Variants in CHN1 observed in about 807,000 individuals in gnomAD.
CHN1 encodes the protein chimerin 1, also known as N-chimaerin.
In CHN1, 37 loss-of-function variants were observed where a neutral mutation model predicts 59.5. The observed-to-expected ratio is 0.62, with a 90% confidence interval of 0.48 to 0.82. CHN1 has a LOEUF of 0.82. CHN1 is among the 40% of genes least tolerant of loss of function. The pLI is 0.00. For synonymous variants in CHN1, 206 were observed against 200.4 expected, an observed-to-expected ratio of 1.03 and a Z score of -0.24; for missense variants, 469 against 571.0, an observed-to-expected ratio of 0.82 and a Z score of 1.82.
At chr2:174,994,742 C>T (rs1288324127) in intron 1 of CHN1, among the ~76,000 whole-genome samples, 4 of 152,072 alleles carry the variant, frequency 2.6e-5, no homozygotes, top group African/African-American at 7.2e-5. Context: ...GCCAAAGGCT[C>T]ATTAAGTAAA....
intron 1 of CHN1, among the ~76,000 whole-genome samples, chr2:174,973,244 TA>T: frequency 6.6e-6 from 1 of 152,214 alleles, no homozygotes; most frequent in Non-Finnish European, 1.5e-5. Context: ...CAACATATGA[TA>T]TGCAGAACTA....
chr2:174,806,202 T>C (rs1684880380), intron 11 of CHN1, among the ~76,000 whole-genome samples: 1 of 152,100 alleles, frequency 6.6e-6, no homozygotes, highest in Admixed American at 6.6e-5. Context: ...TCCAGGGGCT[T>C]TGGAAGAACT....
chr2:174,914,798 T>C (rs1413464204), intron 5 of CHN1, among the ~76,000 whole-genome samples: 4 of 143,050 alleles, frequency 2.8e-5, no homozygotes, highest in Non-Finnish European at 4.5e-5. Flanking sequence ...TGAGCCGAGA[T>C]CGTGCCACTG....
chr2:174,986,362 A>G (rs944211588), intron 1 of CHN1, among the ~76,000 whole-genome samples: 1 of 152,242 alleles, frequency 6.6e-6, no homozygotes, highest in Non-Finnish European at 1.5e-5. Flanking sequence ...ATATAGTGGA[A>G]CTAATGAATA....
intron 5 of CHN1, among the ~76,000 whole-genome samples, chr2:174,882,549 G>A (rs1687769497): frequency 6.6e-6 from 1 of 152,096 alleles, no homozygotes; most frequent in African/African-American, 2.4e-5. Context: ...CTAATTTGAG[G>A]CCAAAGTGAT....
At chr2:174,973,221 A>G (rs1241452382) in intron 1 of CHN1, among the ~76,000 whole-genome samples, 3 of 152,196 alleles carry the variant, frequency 2.0e-5, no homozygotes, top group African/African-American at 7.2e-5. Context: ...CCTTCCTACT[A>G]TAACCCATGC....
At chr2:174,817,436 T>C (rs887850148) in intron 8 of CHN1, among the ~76,000 whole-genome samples, 2 of 151,926 alleles carry the variant, frequency 1.3e-5, no homozygotes, top group African/African-American at 4.8e-5. Flanking sequence ...TTGACTTTTT[T>C]CCTTTGAATG....
At chr2:174,803,237 C>T (rs529522787) in intron 11 of CHN1, among the ~76,000 whole-genome samples, 2 of 152,098 alleles carry the variant, frequency 1.3e-5, no homozygotes, top group Non-Finnish European at 2.9e-5. Context: ...TAAAAATTGG[C>T]GTGAGATGAA....
intron 3 of CHN1, among the ~76,000 whole-genome samples, chr2:174,927,971 A>G (rs1485247584): frequency 2.0e-5 from 3 of 152,248 alleles, no homozygotes; most frequent in Non-Finnish European, 2.9e-5. Flanking sequence ...ACGTTAAAAA[A>G]TAAGTATTCT....
intron 8 of CHN1, among the ~76,000 whole-genome samples, chr2:174,813,695 GTTT>G (rs1685149298): frequency 1.3e-5 from 2 of 152,110 alleles, no homozygotes; most frequent in Non-Finnish European, 1.5e-5. Context: ...TAACCCATTT[GTTT>G]TTAAGTTCAT....
intron 5 of CHN1, among the ~76,000 whole-genome samples, chr2:174,892,865 G>C (rs1413414074): frequency 6.6e-6 from 1 of 152,074 alleles, no homozygotes; most frequent in East Asian, 1.9e-4. Context: ...AAAACCACAT[G>C]ATCACCTCAA....
chr2:174,894,762 A>G (rs1464918223), intron 5 of CHN1, among the ~76,000 whole-genome samples: 2 of 152,160 alleles, frequency 1.3e-5, no homozygotes, highest in East Asian at 3.8e-4. Flanking sequence ...AATGTGGTAC[A>G]GTAGTCCACC....
intron 5 of CHN1, among the ~76,000 whole-genome samples, chr2:174,898,531 G>C (rs1217078734): frequency 6.6e-6 from 1 of 152,050 alleles, no homozygotes; most frequent in Non-Finnish European, 1.5e-5. Context: ...TTGAACCCGG[G>C]AAGCAGAGGT....
chr2:174,972,983 TA>T, intron 1 of CHN1, among the ~76,000 whole-genome samples: 1 of 152,358 alleles, frequency 6.6e-6, no homozygotes, highest in Non-Finnish European at 1.5e-5. Flanking sequence ...ATCCTCATTT[TA>T]TATCAAATAT....
chr2:174,909,214 AG>A (rs1251295970), intron 5 of CHN1, among the ~76,000 whole-genome samples: 1 of 152,220 alleles, frequency 6.6e-6, no homozygotes, highest in Non-Finnish European at 1.5e-5. Flanking sequence ...TTCTAAGTAC[AG>A]CCTGTACTTA....
intron 4 of CHN1, among the ~76,000 whole-genome samples, chr2:174,918,255 A>G (rs1688907966): frequency 6.6e-6 from 1 of 152,138 alleles, no homozygotes; most frequent in African/African-American, 2.4e-5. Context: ...AAAAACACAA[A>G]TATGTACATT....
intron 6 of CHN1, among the ~76,000 whole-genome samples, chr2:174,856,154 C>T (rs569627178): frequency 6.6e-6 from 1 of 152,198 alleles, no homozygotes; most frequent in South Asian, 2.1e-4. Flanking sequence ...TTAAGTCTAA[C>T]ATTAGAGACT....
intron 5 of CHN1, among the ~76,000 whole-genome samples, chr2:174,900,058 C>T (rs1315630371): frequency 1.3e-5 from 2 of 152,202 alleles, no homozygotes; most frequent in African/African-American, 4.8e-5. Flanking sequence ...TTCTACTTTA[C>T]TTCTGTGTAC....
rs2646204 is a variant in CHN1 at position 174,847,745 on chromosome 2, T to C, written c.550-788A>G. ...CTGTCTCTGTTTCTCCCTCCTCTCA[T>C]GTAAGTAAGTTTCTTGCTGGCTCAA... On this transcript the variant is annotated intron_variant, in intron 6 of 12. Transcript: ENST00000409900. 1.4e-5 allele frequency: 9 copies of C among 647,904 alleles called. No individual in the cohort carries two copies. The African/African-American group carries it at 1.4e-4, about 10-fold the overall frequency. The allele number at this position is 647,904 out of a possible 1,614,324, so 40.1% of individuals were successfully genotyped here. A position where few individuals can be genotyped will look rare whatever the true frequency, so the allele number is the denominator to read the frequency against.
Sources: gnomAD v4.1 joint callset for allele counts (sites outside exome capture counted in the v4.1 genomes callset) on GRCh38, gnomAD v4.1.1 for gene constraint, MANE v1.5 for transcripts, NCBI Gene and HGNC (gene_info 2026-07-23, HGNC 2026-07-21) for gene names.